ANO4: variants seen among roughly 807,000 people sequenced by gnomAD.
ANO4 encodes the protein anoctamin-4.
Under a neutral mutation model 141.9 loss-of-function variants are expected in ANO4, and 69 were observed. That is an observed-to-expected ratio of 0.49 (90% CI 0.40 to 0.59). The LOEUF is 0.59. Ranked by LOEUF, ANO4 falls within the 20% of genes least tolerant of loss-of-function variation. The pLI is 0.00. For synonymous variants in ANO4, 350 were observed against 394.3 expected, an observed-to-expected ratio of 0.89 and a Z score of 1.33; for missense variants, 894 against 1,162.2, an observed-to-expected ratio of 0.77 and a Z score of 3.36.
At chr12:101,104,670 TAAATAA>T (rs1316745875) in intron 22 of ANO4, among the ~76,000 whole-genome samples, 86 of 56,602 alleles carry the variant, frequency 1.5e-3, no homozygotes, top group African/African-American at 0.011. Context: ...TATATATATA[TAAATAA>T]AAAGATTTAC....
intron 2 of ANO4, among the ~76,000 whole-genome samples, chr12:100,903,690 G>A (rs1308272882): frequency 6.6e-6 from 1 of 152,168 alleles, no homozygotes; most frequent in Non-Finnish European, 1.5e-5. Context: ...TATCTGCAAG[G>A]GCAGGCTGGA....
intron 9 of ANO4, among the ~76,000 whole-genome samples, chr12:101,031,134 A>G (rs1003363178): frequency 6.6e-6 from 1 of 152,206 alleles, no homozygotes; most frequent in African/African-American, 2.4e-5. Flanking sequence ...ACAACAAAAA[A>G]TAGAGAATTT....
At chr12:100,744,721 A>C (rs2032025018) in intron 3 of ANO4, among the ~76,000 whole-genome samples, 1 of 151,952 alleles carries the variant, frequency 6.6e-6, no homozygotes, top group Admixed American at 6.6e-5. Flanking sequence ...TAACTTATTA[A>C]TTATGTCTAT....
At chr12:100,910,732 T>C (rs934541082) in intron 2 of ANO4, among the ~76,000 whole-genome samples, 2 of 152,178 alleles carry the variant, frequency 1.3e-5, no homozygotes, top group East Asian at 3.9e-4. Flanking sequence ...CTAAAATACT[T>C]CTTCTATTGC....
intron 1 of ANO4, among the ~76,000 whole-genome samples, chr12:100,827,437 C>A (rs558633545): frequency 1.7e-3 from 265 of 152,022 alleles, no homozygotes; most frequent in African/African-American, 6.2e-3. Context: ...CCCCCCATAA[C>A]AGCTTATATT....
In ANO4 at chr12:100,999,347, A is replaced by G. The variant is rs1236842548; in HGVS notation, c.734+11677A>G. Among the ~76,000 whole-genome samples the G allele has an allele frequency of 3.3e-4, 50 of 152,180 alleles. 1 individual carries two copies. The highest frequency in any genetic ancestry group is 3.3e-3 in the Admixed American group (50 of 15,278). On this transcript the variant is annotated intron_variant, in intron 8 of 27. Transcript: ENST00000392977. ...CAGCAACGGTAGTTGAGTCCTTCTC[A>G]CATCACATCACTCTGACTTTGCTTC... is the stretch of plus-strand genomic sequence containing the variant.
chr12:101,053,681 C>T (rs1045205853), intron 14 of ANO4, among the ~76,000 whole-genome samples: 2 of 152,124 alleles, frequency 1.3e-5, no homozygotes, highest in African/African-American at 2.4e-5. Context: ...GGATTAAGGG[C>T]CCAGCCTACT....
At chr12:100,830,649 C>G (rs1593453268) in intron 1 of ANO4, among the ~76,000 whole-genome samples, 1 of 152,054 alleles carries the variant, frequency 6.6e-6, no homozygotes, top group Non-Finnish European at 1.5e-5. Context: ...GCCATCCAGC[C>G]ACTCTCTGTT....
intron 9 of ANO4, among the ~76,000 whole-genome samples, chr12:101,028,277 C>T (rs191783269): frequency 7.2e-5 from 11 of 152,216 alleles, no homozygotes; most frequent in African/African-American, 2.2e-4. Flanking sequence ...CTCTTCCCCT[C>T]CAAATGATTG....
At chr12:101,003,648 C>T (rs1339850805) in intron 8 of ANO4, among the ~76,000 whole-genome samples, 2 of 151,942 alleles carry the variant, frequency 1.3e-5, no homozygotes, top group Non-Finnish European at 2.9e-5. Flanking sequence ...ATGTCTCATA[C>T]TTTTTTTTAT....
intron 16 of ANO4, among the ~76,000 whole-genome samples, chr12:101,085,573 A>G (rs1031336248): frequency 1.3e-5 from 2 of 152,136 alleles, no homozygotes; most frequent in African/African-American, 4.8e-5. Context: ...AATGGACTTG[A>G]GCATCTGTGG....
intron 2 of ANO4, among the ~76,000 whole-genome samples, chr12:100,906,538 C>T (rs1444323413): frequency 1.3e-5 from 2 of 151,974 alleles, no homozygotes; most frequent in Non-Finnish European, 2.9e-5. Flanking sequence ...AGGTACAAAA[C>T]AAGGGACTAT....
chr12:101,100,391 A>T (rs1056941010), intron 22 of ANO4, among the ~76,000 whole-genome samples: 2 of 152,190 alleles, frequency 1.3e-5, no homozygotes, highest in African/African-American at 4.8e-5. Flanking sequence ...TGGTCAAATT[A>T]GAAATTTAAA....
chr12:100,985,430 A>G (rs2044666476), intron 7 of ANO4, among the ~76,000 whole-genome samples: 1 of 152,156 alleles, frequency 6.6e-6, no homozygotes, highest in Non-Finnish European at 1.5e-5. Flanking sequence ...CATCATCACA[A>G]CTCTACGAAT....
At chr12:101,089,990 T>C (rs1362460764) in intron 17 of ANO4, among the ~76,000 whole-genome samples, 1 of 152,028 alleles carries the variant, frequency 6.6e-6, no homozygotes, top group East Asian at 1.9e-4. Flanking sequence ...AACAGACACA[T>C]GAAAAAATGC....
intron 1 of ANO4, among the ~76,000 whole-genome samples, chr12:100,819,914 C>T (rs932425153): frequency 2.0e-5 from 3 of 151,816 alleles, no homozygotes; most frequent in African/African-American, 7.2e-5. Context: ...GAATGGTGCC[C>T]AAGTTGAAGC....
rs1159909995 is a variant in ANO4, at chr12:100,812,868, AT to A, written c.-141+17845del. ...GTTAATAGCATTGCCTCAAGGCAAA[AT>A]TTTGTAAAAGCAGTCGGCAAGGTTC... On this transcript the variant is annotated intron_variant, in intron 1 of 27. Transcript: ENST00000392977. Among the ~76,000 whole-genome samples, 9 of 152,326 alleles carry A rather than the reference AT, an allele frequency of 5.9e-5. 1 individual carries two copies. The East Asian group carries it at 1.7e-3, about 29-fold the overall frequency.
intron 15 of ANO4, among the ~76,000 whole-genome samples, chr12:101,081,982 G>C (rs980126285): frequency 6.6e-6 from 1 of 152,114 alleles, no homozygotes; most frequent in African/African-American, 2.4e-5. Context: ...GTCACATTCA[G>C]TACTGCGGGT....
chr12:101,030,948 C>T (rs1221403474), intron 9 of ANO4, among the ~76,000 whole-genome samples: 1 of 152,128 alleles, frequency 6.6e-6, no homozygotes, highest in Non-Finnish European at 1.5e-5. Flanking sequence ...AATTAGTAGC[C>T]TACCCACCAA....
Sources: gnomAD v4.1 joint callset for allele counts (sites outside exome capture counted in the v4.1 genomes callset) on GRCh38, gnomAD v4.1.1 for gene constraint, MANE v1.5 for transcripts, NCBI Gene and HGNC (gene_info 2026-07-23, HGNC 2026-07-21) for gene names.